The following SPTLC3 variants were observed in gnomAD, a reference collection of about 807,000 sequenced individuals.
SPTLC3 encodes the protein serine palmitoyltransferase long chain base subunit 3.
Under a neutral mutation model 59.3 loss-of-function variants are expected in SPTLC3, and 36 were observed. The observed-to-expected ratio is 0.61, with a 90% CI of 0.47 to 0.80. The LOEUF (loss-of-function observed/expected upper bound fraction) is 0.80. Ranked by LOEUF, SPTLC3 falls within the 30% of genes least tolerant of loss-of-function variation. The pLI, the probability that SPTLC3 is intolerant of heterozygous loss-of-function variation, is 0.00. For synonymous variants in SPTLC3, 257 were observed against 240.8 expected, an observed-to-expected ratio of 1.07 and a Z score of -0.62; for missense variants, 625 against 685.1, an observed-to-expected ratio of 0.91 and a Z score of 0.98.
chr20:13,073,782 T>C (rs1988534452), intron 3 of SPTLC3: 1 of 598,488 alleles, frequency 1.7e-6, no homozygotes, highest in Non-Finnish European at 3.3e-6. Flanking sequence ...GCAGCCAGCC[T>C]GCACTGGTCC....
At chr20:13,013,786 A>G (rs1313943388) in intron 1 of SPTLC3, among the ~76,000 whole-genome samples, 1 of 152,228 alleles carries the variant, frequency 6.6e-6, no homozygotes, top group African/African-American at 2.4e-5. Flanking sequence ...ATCTATTCCT[A>G]TGTAACAGCC....
At chr20:13,153,831 G>C (rs2122961093) in intron 9 of SPTLC3, among the ~76,000 whole-genome samples, 172 bp from the exon 10 acceptor site, 1 of 152,230 alleles carries the variant, frequency 6.6e-6, no homozygotes, top group East Asian at 1.9e-4. Context: ...GGTAGTACCT[G>C]GGCATCAGTG....
At chr20:13,163,163 T>C (rs1156996633) in intron 11 of SPTLC3, among the ~76,000 whole-genome samples, 1 of 150,348 alleles carries the variant, frequency 6.7e-6, no homozygotes, top group African/African-American at 2.4e-5. Context: ...AGGTCAGGAG[T>C]TCGAGACCAG....
At chr20:13,143,611 T>C (rs976873884) in intron 9 of SPTLC3, among the ~76,000 whole-genome samples, 7 of 152,164 alleles carry the variant, frequency 4.6e-5, no homozygotes, top group African/African-American at 1.7e-4. Flanking sequence ...GGCAAAAGTC[T>C]GGGGGGCTTC....
intron 3 of SPTLC3, chr20:13,073,664 T>G: frequency 3.0e-6 from 1 of 335,798 alleles, no homozygotes; most frequent in Non-Finnish European, 5.9e-6. Context: ...GATTAACATT[T>G]TTTTTTAATG....
intron 4 of SPTLC3, among the ~76,000 whole-genome samples, chr20:13,085,155 A>G (rs1481442413): frequency 2.0e-5 from 3 of 152,158 alleles, no homozygotes; most frequent in Admixed American, 1.3e-4. Context: ...TTAACCCAGC[A>G]GCAGTGGTGT....
intron 9 of SPTLC3, among the ~76,000 whole-genome samples, chr20:13,134,880 A>C (rs921314811): frequency 6.6e-6 from 1 of 152,236 alleles, no homozygotes; most frequent in Non-Finnish European, 1.5e-5. Context: ...AAACCAAAAC[A>C]TCAACGCTGC....
chr20:13,134,490 G>A (rs1246859637), intron 9 of SPTLC3, among the ~76,000 whole-genome samples: 1 of 152,146 alleles, frequency 6.6e-6, no homozygotes, highest in Non-Finnish European at 1.5e-5. Flanking sequence ...CAGACAGAAG[G>A]GAGAGAGTGA....
At chr20:13,047,383 A>G (rs1987276702) in intron 1 of SPTLC3, among the ~76,000 whole-genome samples, 1 of 152,152 alleles carries the variant, frequency 6.6e-6, no homozygotes, top group South Asian at 2.1e-4. Flanking sequence ...ATCATTCTAA[A>G]TACATCTAAA....
At chr20:13,153,396 T>G (rs1211087067) in intron 9 of SPTLC3, among the ~76,000 whole-genome samples, 1 of 152,190 alleles carries the variant, frequency 6.6e-6, no homozygotes, top group Non-Finnish European at 1.5e-5. Context: ...TTTTTCTGGC[T>G]TGGGAAAGCA....
chr20:13,162,671 A>C (rs981938568), intron 11 of SPTLC3, among the ~76,000 whole-genome samples: 1 of 152,200 alleles, frequency 6.6e-6, no homozygotes, highest in Non-Finnish European at 1.5e-5. Flanking sequence ...CATGTGTGAC[A>C]GTTGCTCATT....
At chr20:13,095,058 T>C (rs1471986203) in intron 6 of SPTLC3, among the ~76,000 whole-genome samples, 3 of 152,198 alleles carry the variant, frequency 2.0e-5, no homozygotes, top group Non-Finnish European at 2.9e-5. Flanking sequence ...TGGGAATTCA[T>C]GTTTGGAGTA....
chr20:13,103,685 G>A lies in SPTLC3; in HGVS notation c.827-6427G>A, dbSNP rs115357149. Among the ~76,000 whole-genome samples the A allele has an allele frequency of 4.8e-3, 738 of 152,304 alleles. 5 individuals carry two copies. The highest frequency in any genetic ancestry group is 0.016 in the African/African-American group (682 of 41,554). On this transcript the variant is annotated intron_variant, in intron 6 of 11. Coordinates refer to ENST00000399002, the MANE Select transcript of SPTLC3 (RefSeq NM_018327.4). ...GAGGCTGAGTTTCAGCCCCAATCTC[G>A]CATTCCTGGATCCATAGGAGAGGGA... is the stretch of plus-strand genomic sequence containing the variant.
intron 1 of SPTLC3, 79 bp downstream of exon 1, chr20:13,009,463 C>A: frequency 7.6e-7 from 1 of 1,307,234 alleles, no homozygotes; most frequent in Non-Finnish European, 1.1e-6. Flanking sequence ...TTGAGGCTGT[C>A]CTAACTTAGA....
chr20:13,011,466 A>G (rs563935251), intron 1 of SPTLC3, among the ~76,000 whole-genome samples: 1 of 152,312 alleles, frequency 6.6e-6, no homozygotes, highest in South Asian at 2.1e-4. Flanking sequence ...ACCACACAGC[A>G]ACACAGTTAT....
chr20:13,053,427 T>C (rs1391122741), intron 2 of SPTLC3, among the ~76,000 whole-genome samples: 1 of 151,916 alleles, frequency 6.6e-6, no homozygotes, highest in Admixed American at 6.6e-5. Flanking sequence ...GATAAATCCA[T>C]GAGGATGAGG....
chr20:13,042,073 T>A (rs1337341936), intron 1 of SPTLC3, among the ~76,000 whole-genome samples: 1 of 152,196 alleles, frequency 6.6e-6, no homozygotes, highest in Non-Finnish European at 1.5e-5. Flanking sequence ...AAATTCATGA[T>A]CCTTGGTATG....
chr20:13,160,111 T>C lies in SPTLC3; in HGVS notation c.1524T>C (p.His508=), dbSNP rs2038864087. The part of the protein sequence containing the change: ...ARARFCVSAA[H]TREMLDTVLE... ...CTCGGTTTTGTGTTTCAGCGGCACA[T>C]ACCCGGGAGATGTTAGACACGGTGA... The change falls in exon 11 of 12, where the codon CAT becomes CAC. Residue 508 remains histidine (H), a synonymous_variant. Transcript: ENST00000399002. 6.2e-7 allele frequency: 1 copy of C among 1,613,926 alleles called. No homozygotes were observed. The highest frequency in any genetic ancestry group is 1.3e-5 in the African/African-American group (1 of 75,000).
At position 13,117,658 on chromosome 20, in the gene SPTLC3, T is replaced by C. The variant is rs376629173; in HGVS notation, c.1085T>C (p.Val362Ala). ...TEFFGLDPHE[V>A]DVLMGTFTKS... ...TTCTTTGGACTAGACCCTCATGAAG[T>C]TGATGTGCTCATGGGCACATTCACC... Residue 362 changes from valine to alanine, a missense_variant, in exon 8 of 12, where the codon GTT (valine) becomes GCT (alanine). Val to Ala is a moderately conservative substitution (Grantham distance 64). Transcript: ENST00000399002. The C allele has an allele frequency of 5.0e-6, 8 of 1,613,928 alleles. No homozygotes were observed. Among genetic ancestry groups the C allele is most frequent in the Middle Eastern group, 1.6e-4 (1 of 6,072 alleles).
Sources: allele counts gnomAD v4.1 joint callset (sites outside exome capture counted in the v4.1 genomes callset), GRCh38; gene constraint gnomAD v4.1.1; transcripts MANE v1.5; gene names NCBI Gene and HGNC (gene_info 2026-07-23, HGNC 2026-07-21).